ZDHHC21: variants seen among roughly 807,000 people sequenced by gnomAD.
The protein encoded by ZDHHC21 is zDHHC palmitoyltransferase 21, also known as palmitoyltransferase ZDHHC21.
In ZDHHC21, 15 loss-of-function variants were observed where a neutral mutation model predicts 34.6. That is an observed-to-expected ratio of 0.43 (90% CI 0.29 to 0.67). The LOEUF (loss-of-function observed/expected upper bound fraction) is 0.67. Ranked by LOEUF, ZDHHC21 falls within the 30% of genes least tolerant of loss-of-function variation. The pLI is 0.14. For missense variants in ZDHHC21, 344 were observed against 327.7 expected (o/e 1.05, Z -0.38); for synonymous variants, 142 against 101.8 (o/e 1.40, Z -2.38).
chr9:14,619,013 G>T lies in ZDHHC21; in HGVS notation c.751C>A (p.Gln251Lys), dbSNP rs779005253. The change falls in exon 10 of 10, where the codon CAG (glutamine) becomes AAG (lysine). Residue 251 changes from glutamine (Q) to lysine (K), a missense_variant. Transcript: ENST00000380916. ...WKILWFIPFRQRQPLRVPYHF... is the reference protein window; with the variant it reads ...WKILWFIPFRKRQPLRVPYHF... ...TAGGGAACTCGCAGTGGTTGCCTCTGCCTGAAAGGAATGAACCACAGGATC... is the reference window on the plus strand; with the variant it reads ...TAGGGAACTCGCAGTGGTTGCCTCTTCCTGAAAGGAATGAACCACAGGATC... 6.2e-6 allele frequency: 10 copies of T among 1,612,194 alleles called. No homozygotes were observed. Among genetic ancestry groups the T allele is most frequent in the South Asian group, 1.1e-5 (1 of 90,890 alleles).
Position 14,616,339 on chromosome 9 carries a change from T to C in ZDHHC21, c.*2627A>G, listed in dbSNP as rs1249910863. 7 of 151,806 alleles carry C rather than the reference T, an allele frequency of 4.6e-5. No homozygotes were observed. The highest frequency in any genetic ancestry group is 1.7e-4 in the African/African-American group (7 of 41,404). 9.4% of individuals were successfully genotyped at this position (151,806 alleles called of 1,614,324 possible). A position where few individuals can be genotyped will look rare whatever the true frequency, so the allele number is the denominator to read the frequency against. On this transcript the variant is annotated 3_prime_UTR_variant, in exon 10 of 10. Coordinates refer to ENST00000380916, the MANE Select transcript of ZDHHC21 (RefSeq NM_178566.6). ...TAATCTGATATAAATTTGTGATTGA[T>C]TGACAGCAAGAATATAATGGGAACG...
At chr9:14,649,140 A>G (rs1182120070) in intron 7 of ZDHHC21, among the ~76,000 whole-genome samples, 2 of 151,958 alleles carry the variant, frequency 1.3e-5, no homozygotes, top group Non-Finnish European at 2.9e-5. Context: ...GACATTACCA[A>G]ATGTTTTCTG....
At chr9:14,624,885 T>C (rs1247504051) in intron 8 of ZDHHC21, among the ~76,000 whole-genome samples, 1 of 152,088 alleles carries the variant, frequency 6.6e-6, no homozygotes, top group African/African-American at 2.4e-5. Flanking sequence ...TGTATACAAA[T>C]ATTGAAGCAT....
At chr9:14,643,841 T>C (rs897972616) in intron 7 of ZDHHC21, among the ~76,000 whole-genome samples, 2 of 152,210 alleles carry the variant, frequency 1.3e-5, no homozygotes, top group Non-Finnish European at 2.9e-5. Context: ...ATGGGCTCTC[T>C]ACTCTTGTTC....
chr9:14,604,814 G>C, the ZDHHC21 span, among the ~76,000 whole-genome samples: 2 of 152,076 alleles, frequency 1.3e-5, no homozygotes, highest in Non-Finnish European at 2.9e-5. Context: ...ATACAACAGA[G>C]CTCTAGAACT....
intron 7 of ZDHHC21, among the ~76,000 whole-genome samples, chr9:14,654,520 T>C (rs560850559): frequency 6.6e-6 from 1 of 151,760 alleles, no homozygotes; most frequent in East Asian, 1.9e-4. Context: ...ATCTGGAAAT[T>C]GAGAAGAAAA....
the ZDHHC21 span, among the ~76,000 whole-genome samples, chr9:14,599,319 T>C: frequency 2.0e-5 from 3 of 152,198 alleles, no homozygotes; most frequent in East Asian, 3.9e-4. Context: ...GGGTGGGGCA[T>C]TGCCTCACTT....
chr9:14,682,592 G>T (rs1479147623), intron 2 of ZDHHC21, among the ~76,000 whole-genome samples: 1 of 152,036 alleles, frequency 6.6e-6, no homozygotes, highest in Admixed American at 6.6e-5. Flanking sequence ...AATAATAATG[G>T]GAGACTTTAG....
At chr9:14,636,688 T>C (rs1233731376) in intron 8 of ZDHHC21, among the ~76,000 whole-genome samples, 3 of 151,844 alleles carry the variant, frequency 2.0e-5, no homozygotes, top group African/African-American at 7.3e-5. Context: ...ATGAAAAAAA[T>C]CTAAATTGTA....
the ZDHHC21 span, among the ~76,000 whole-genome samples, chr9:14,592,697 T>G: frequency 6.6e-6 from 1 of 152,242 alleles, no homozygotes; most frequent in African/African-American, 2.4e-5. Flanking sequence ...TACTGTAACC[T>G]ACTACTATCA....
rs1279171523 is a variant in ZDHHC21, at chr9:14,618,210, TCTC to T, written c.*753_*755del. 1 of 152,484 alleles carries T rather than the reference TCTC, an allele frequency of 6.6e-6. No individual in the cohort carries two copies. Among genetic ancestry groups the T allele is most frequent in the Non-Finnish European group, 1.5e-5 (1 of 67,990 alleles). 9.4% of individuals were successfully genotyped at this position (152,484 alleles called of 1,614,324 possible). ...GAATACATGCCCACTGGTCAGGAGT[TCTC>T]CTGGGAGCAAATATTTTAATCACAA... On this transcript the variant is annotated 3_prime_UTR_variant, in exon 10 of 10. Transcript: ENST00000380916.
At chr9:14,640,626 A>T (rs539564195) in intron 7 of ZDHHC21, among the ~76,000 whole-genome samples, 1 of 152,176 alleles carries the variant, frequency 6.6e-6, no homozygotes, top group Non-Finnish European at 1.5e-5. Flanking sequence ...TGTATAAATG[A>T]TAAAAATATG....
chr9:14,655,294 C>T (rs921477666), intron 7 of ZDHHC21, among the ~76,000 whole-genome samples: 1 of 151,060 alleles, frequency 6.6e-6, no homozygotes, highest in African/African-American at 2.5e-5. Context: ...GAAATAAAAG[C>T]ATCTTCAGGG....
the ZDHHC21 span, among the ~76,000 whole-genome samples, chr9:14,600,260 T>A: frequency 3.9e-5 from 6 of 152,120 alleles, no homozygotes; most frequent in East Asian, 3.9e-4. Flanking sequence ...GAAAACCCCA[T>A]TGACTCAGCC....
intron 5 of ZDHHC21, among the ~76,000 whole-genome samples, chr9:14,663,819 T>C (rs1833849938): frequency 6.6e-6 from 1 of 152,222 alleles, no homozygotes; most frequent in Non-Finnish European, 1.5e-5. Context: ...AAATAAATCA[T>C]GCAAGAGCAA....
intron 7 of ZDHHC21, among the ~76,000 whole-genome samples, chr9:14,649,142 T>C (rs1830777503): frequency 6.6e-6 from 1 of 152,008 alleles, no homozygotes; most frequent in Admixed American, 6.6e-5. Context: ...CATTACCAAA[T>C]GTTTTCTGTG....
chr9:14,626,231 A>C (rs994096946), intron 8 of ZDHHC21, among the ~76,000 whole-genome samples: 2 of 151,960 alleles, frequency 1.3e-5, no homozygotes, highest in African/African-American at 4.8e-5. Context: ...AAATGTACAT[A>C]AATTATTGTG....
intron 2 of ZDHHC21, 29 bp from the exon 3 acceptor site, chr9:14,680,191 C>T (rs1837122998): frequency 6.6e-6 from 1 of 152,212 alleles, no homozygotes; most frequent in African/African-American, 2.4e-5. Context: ...ACAATGATTT[C>T]TCACAAAGAA....
intron 5 of ZDHHC21, among the ~76,000 whole-genome samples, chr9:14,668,676 A>C (rs972204461): frequency 1.0e-4 from 15 of 148,670 alleles, no homozygotes; most frequent in African/African-American, 3.7e-4. Context: ...GGAACAGAAC[A>C]GAGCCCTCAG....
Sources: gnomAD v4.1 joint callset for allele counts (sites outside exome capture counted in the v4.1 genomes callset) on GRCh38, gnomAD v4.1.1 for gene constraint, MANE v1.5 for transcripts, NCBI Gene and HGNC (gene_info 2026-07-23, HGNC 2026-07-21) for gene names.